Variants in ANO2 observed in about 807,000 individuals in gnomAD.
ANO2 encodes anoctamin-2.
ANO2 carries 101 observed loss-of-function variants against 124.2 expected under a neutral mutation model. The ratio of observed to expected loss-of-function variants is 0.81; its 90% confidence interval spans 0.69 to 0.96. The LOEUF is 0.96. ANO2 is among the 40% of genes least tolerant of loss of function. The pLI is 0.00. For synonymous variants in ANO2, 486 were observed against 482.5 expected (o/e 1.01, Z -0.09); for missense variants, 1,293 against 1,274.5 (o/e 1.01, Z -0.22).
chr12:5,741,943 G>T (rs1415600925), intron 12 of ANO2, among the ~76,000 whole-genome samples: 1 of 152,196 alleles, frequency 6.6e-6, no homozygotes, highest in African/African-American at 2.4e-5. Context: ...CATTAGGTCT[G>T]CCTAGGTCAG....
At chr12:5,726,779 A>G (rs1950457471) in intron 14 of ANO2, among the ~76,000 whole-genome samples, 2 of 152,234 alleles carry the variant, frequency 1.3e-5, no homozygotes, top group African/African-American at 4.8e-5. Context: ...TTACTACCAT[A>G]TAAATAAATA....
At chr12:5,879,126 T>C (rs947426672) in intron 3 of ANO2, among the ~76,000 whole-genome samples, 7 of 152,180 alleles carry the variant, frequency 4.6e-5, no homozygotes, top group African/African-American at 1.7e-4. Flanking sequence ...GCTCCCCAGG[T>C]ATAAGGATGG....
chr12:5,675,340 A>G (rs1182876159), intron 14 of ANO2, among the ~76,000 whole-genome samples: 1 of 152,216 alleles, frequency 6.6e-6, no homozygotes, highest in African/African-American at 2.4e-5. Flanking sequence ...AGTCTCTGCC[A>G]CACAATATAA....
chr12:5,782,635 A>G lies in ANO2; in HGVS notation c.1055+16872T>C, dbSNP rs1952433105. On this transcript the variant is annotated intron_variant, in intron 10 of 24. Transcript: ENST00000682330. ...GTAGTCCTGCACCAGTTACTCCATC[A>G]TGGCCAGATGTAGACATAGGAAATC... 2.0e-5 allele frequency among the ~76,000 whole-genome samples: 3 copies of G among 152,262 alleles called. No homozygotes were observed. The South Asian group carries it at 6.2e-4, about 32-fold the overall frequency.
Position 5,739,289 on chromosome 12 carries a change from TATGTGAGAAATAC to T in ANO2, c.1434+15_1434+27del. On this transcript the variant is annotated intron_variant, in intron 13 of 24. Transcript: ENST00000682330. ...AAAACAAAGCAAAAGCCCACAGAAGTATGTGAGAAATACGTGAGAGAACTCACTTCTTCCTCTT... is the reference window on the plus strand; with the variant it reads ...AAAACAAAGCAAAAGCCCACAGAAGTGTGAGAGAACTCACTTCTTCCTCTT... 6.4e-7 allele frequency: 1 copy of T among 1,556,934 alleles called. No homozygotes were observed. Among genetic ancestry groups the T allele is most frequent in the Non-Finnish European group, 8.7e-7 (1 of 1,143,162 alleles).
chr12:5,791,126 G>A (rs1391507303), intron 10 of ANO2, among the ~76,000 whole-genome samples: 1 of 152,106 alleles, frequency 6.6e-6, no homozygotes, highest in African/African-American at 2.4e-5. Flanking sequence ...CCAGACTCCA[G>A]GATGAACCGT....
At chr12:5,943,006 A>G (rs1942953635) in intron 1 of ANO2, among the ~76,000 whole-genome samples, 1 of 152,212 alleles carries the variant, frequency 6.6e-6, no homozygotes, top group East Asian at 1.9e-4. Context: ...ACACTTTAAC[A>G]CTGCTGCTGA....
chr12:5,894,877 T>C (rs2136275710), intron 3 of ANO2, among the ~76,000 whole-genome samples: 1 of 152,370 alleles, frequency 6.6e-6, no homozygotes, highest in Non-Finnish European at 1.5e-5. Flanking sequence ...AATACCATGC[T>C]GTTTTGGTTC....
At chr12:5,757,062 G>A (rs1951604049) in intron 10 of ANO2, among the ~76,000 whole-genome samples, 1 of 152,240 alleles carries the variant, frequency 6.6e-6, no homozygotes. Flanking sequence ...GCATGAGCCT[G>A]CATTCTCAGT....
At position 5,732,530 on chromosome 12, in the gene ANO2, C is replaced by T. The variant is rs762829398; in HGVS notation, c.1535G>A (p.Cys512Tyr). ...VQKLETNTTE[C>Y]GDEDDEDKLT... is the part of the protein sequence containing the mutation. ...AGTCCAGCTTCATACCTCATCGCCA[C>T]ACTCCGTCGTGTTTGTTTCCAATTT... is the stretch of plus-strand genomic sequence containing the variant. Residue 512 changes from cysteine to tyrosine, a missense_variant, in exon 14 of 25, where the codon TGT becomes TAT. Cys to Tyr is a radical substitution (Grantham distance 194). Transcript: ENST00000682330. The T allele has an allele frequency of 6.2e-7, 1 of 1,612,708 alleles. No homozygotes were observed. Among genetic ancestry groups the T allele is most frequent in the South Asian group, 1.1e-5 (1 of 90,814 alleles).
At chr12:5,789,596 G>A (rs1296092748) in intron 10 of ANO2, among the ~76,000 whole-genome samples, 2 of 152,204 alleles carry the variant, frequency 1.3e-5, no homozygotes, top group African/African-American at 2.4e-5. Context: ...ATTCCTGGCA[G>A]CCACCCAACT....
chr12:5,767,307 G>C lies in ANO2; in HGVS notation c.1056-16337C>G, dbSNP rs185901102. On this transcript the variant is annotated intron_variant, in intron 10 of 24. Transcript: ENST00000682330. ...AAAGCTCACAGTGCTTGCTTCTCTG[G>C]AAGACAGCCTGGAAAATCCCAATGA... Among the ~76,000 whole-genome samples the C allele has an allele frequency of 8.6e-4, 131 of 152,290 alleles. 1 individual carries two copies. The highest frequency in any genetic ancestry group is 3.5e-4 in the Non-Finnish European group (24 of 68,026).
At chr12:5,759,779 G>GA (rs1231019868) in intron 10 of ANO2, among the ~76,000 whole-genome samples, 4 of 150,562 alleles carry the variant, frequency 2.7e-5, no homozygotes, top group East Asian at 1.9e-4. Flanking sequence ...AGTATGGAAA[G>GA]AAAAAAAACT....
chr12:5,577,029 G>A (rs1942452008), intron 22 of ANO2, among the ~76,000 whole-genome samples: 1 of 152,218 alleles, frequency 6.6e-6, no homozygotes, highest in Admixed American at 6.5e-5. Flanking sequence ...AAGACTGCAC[G>A]TCATTTCGTA....
At chr12:5,697,676 G>C (rs111616079) in intron 14 of ANO2, among the ~76,000 whole-genome samples, 1 of 152,142 alleles carries the variant, frequency 6.6e-6, no homozygotes, top group African/African-American at 2.4e-5. Flanking sequence ...CCCGGGAAAC[G>C]CAAGGGGTCA....
chr12:5,882,779 G>A (rs1938590251), intron 3 of ANO2, among the ~76,000 whole-genome samples: 1 of 152,200 alleles, frequency 6.6e-6, no homozygotes, highest in Non-Finnish European at 1.5e-5. Flanking sequence ...GGACACAGCA[G>A]CAGACTAAAG....
intron 3 of ANO2, among the ~76,000 whole-genome samples, chr12:5,881,408 C>T (rs1309442173): frequency 6.6e-6 from 1 of 152,174 alleles, no homozygotes; most frequent in Non-Finnish European, 1.5e-5. Flanking sequence ...GAGCCAAGGG[C>T]ACAGCCACAG....
At position 5,928,496 on chromosome 12, in the gene ANO2, G is replaced by T. The variant is rs1216605329; in HGVS notation, c.23-5692C>A. ...ACTAGTCTACTTTCCTTCCTCACTG[G>T]TCTACTTTCCTTCCTCTCTAGTCTA... On this transcript the variant is annotated intron_variant, in intron 1 of 24. Coordinates refer to ENST00000682330, the MANE Select transcript of ANO2 (RefSeq NM_001364791.2). Among the ~76,000 whole-genome samples the T allele has an allele frequency of 1.7e-4, 25 of 143,474 alleles. 1 individual carries two copies. Among genetic ancestry groups the T allele is most frequent in the Admixed American group, 2.9e-4 (4 of 13,720 alleles). The allele number at this position is 143,474 out of a possible 152,430, so 94.1% of individuals were successfully genotyped here.
chr12:5,635,102 A>T lies in ANO2; in HGVS notation c.1816+50T>A. On this transcript the variant is annotated intron_variant, in intron 16 of 24. Coordinates refer to ENST00000682330, the MANE Select transcript of ANO2 (RefSeq NM_001364791.2). This position sits in a 1 kb window ranked among gnomAD's most constrained non-coding sequence, Gnocchi z 5.2. ...TTTTATCACCAAAAGCCTTGCACGC[A>T]TTGACTTAAAGAGGGCCTAGGACAG... 1 of 1,465,500 alleles carries T rather than the reference A, an allele frequency of 6.8e-7. No individual in the cohort carries two copies. The highest frequency in any genetic ancestry group is 9.1e-7 in the Non-Finnish European group (1 of 1,101,962). 90.8% of individuals were successfully genotyped at this position (1,465,500 alleles called of 1,614,324 possible).
Sources: allele counts gnomAD v4.1 joint callset (sites outside exome capture counted in the v4.1 genomes callset), GRCh38; gene constraint gnomAD v4.1.1; non-coding constraint Gnocchi (gnomAD v3.1); transcripts MANE v1.5; gene names NCBI Gene and HGNC (gene_info 2026-07-23, HGNC 2026-07-21).